The following WDFY4 variants were observed in gnomAD, a reference collection of about 807,000 sequenced individuals.
WDFY4 encodes WD repeat- and FYVE domain-containing protein 4.
A neutral mutation model predicts 351.9 loss-of-function variants in WDFY4; 169 were observed. The ratio of observed to expected loss-of-function variants is 0.48; its 90% CI spans 0.42 to 0.55. The LOEUF (loss-of-function observed/expected upper bound fraction) is 0.55, where lower values mean the gene tolerates loss of function less well. Ranked by LOEUF, WDFY4 falls within the 20% of genes least tolerant of loss-of-function variation. The pLI is 0.00. For synonymous variants in WDFY4, 1,622 were observed against 1,574.6 expected (o/e 1.03, Z -0.71); for missense variants, 3,803 against 3,935.6 (o/e 0.97, Z 0.90).
At chr10:48,774,413 G>A (rs1266415098) in intron 13 of WDFY4, 45 bp from the exon 14 acceptor site, 2 of 1,544,046 alleles carry the variant, frequency 1.3e-6, no homozygotes, top group African/African-American at 1.4e-5. Flanking sequence ...TGTCCACAAG[G>A]TGTTCTGCCC....
chr10:48,910,270 G>C (rs200248208), intron 47 of WDFY4: 111 of 1,613,124 alleles, frequency 6.9e-5, no homozygotes, highest in Non-Finnish European at 8.6e-5. Flanking sequence ...TGGGGATGGA[G>C]ACACAAGAAG....
chr10:48,902,130 T>C (rs1397746656), intron 47 of WDFY4, among the ~76,000 whole-genome samples: 2 of 152,264 alleles, frequency 1.3e-5, no homozygotes, highest in Non-Finnish European at 2.9e-5. Context: ...CTTTGGTGAC[T>C]GGGCAGGTGG....
rs1171125948 is a variant in WDFY4, at chr10:48,733,939, G to A, written c.1591G>A (p.Val531Met). 12 of 1,551,494 alleles carry A rather than the reference G, an allele frequency of 7.7e-6. No individual in the cohort carries two copies. The Admixed American group carries it at 2.4e-4, about 30-fold the overall frequency. ...CTTCTTCAATATGGCAGGAAACAAA[G>A]TGTCCACTCCTGGTGTTCAGGATCC... Reference protein sequence around the residue: ...AKIMRKSGNKVSTPGVQDPER... With the variant: ...AKIMRKSGNKMSTPGVQDPER... Residue 531 changes from valine (V) to methionine (M), a missense_variant, in exon 10 of 62, where the codon GTG (valine) becomes ATG (methionine). By Grantham distance (21) the Val-to-Met change is conservative. Transcript: ENST00000325239.
chr10:48,732,746 A>G (rs1409657241), intron 9 of WDFY4, among the ~76,000 whole-genome samples: 3 of 152,242 alleles, frequency 2.0e-5, no homozygotes, highest in African/African-American at 7.2e-5. Flanking sequence ...GGTACATAAC[A>G]GGGGCTCAAG....
intron 6 of WDFY4, among the ~76,000 whole-genome samples, 156 bp from the exon 7 acceptor site, chr10:48,727,314 G>T (rs2064303182): frequency 6.6e-6 from 1 of 152,200 alleles, no homozygotes. Context: ...TTTCTCTGGG[G>T]TGGTCTTCCT....
chr10:48,885,730 C>CTATA (rs1318839729), intron 43 of WDFY4, among the ~76,000 whole-genome samples: 5 of 151,020 alleles, frequency 3.3e-5, no homozygotes, highest in African/African-American at 1.2e-4. Flanking sequence ...CTCTCTCTCT[C>CTATA]TCTCTATATA....
chr10:48,787,897 CTTCTTCTTCTTCTT>C (rs2066499610), intron 20 of WDFY4, among the ~76,000 whole-genome samples: 15 of 26,092 alleles, frequency 5.7e-4, no homozygotes, highest in Middle Eastern at 0.013. Context: ...TCTTCTCCTT[CTTCTTCTTCTTCTT>C]CTTCTTCTTC....
In WDFY4 at chr10:48,976,973, G is replaced by A; in HGVS notation, c.9285G>A (p.Met3095Ile). The A allele has an allele frequency of 6.9e-7, 1 of 1,454,300 alleles. No homozygotes were observed. The allele number at this position is 1,454,300 out of a possible 1,614,324, so 90.1% of individuals were successfully genotyped here. Residue 3095 changes from methionine to isoleucine, a missense_variant, in exon 59 of 62, where the codon ATG becomes ATA. Met to Ile is a conservative substitution (Grantham distance 10). This residue lies in a region of WDFY4 where 3,054 missense variants were observed against 3,148.6 expected (regional missense o/e 0.97). Coordinates refer to ENST00000325239, the MANE Select transcript of WDFY4 (RefSeq NM_001394531.1). ...TCATCACCGGGAGTCAAGACGGCATGGTCCGGGTAGGTGTGTCTTGGGCAG... is the reference window on the plus strand; with the variant it reads ...TCATCACCGGGAGTCAAGACGGCATAGTCCGGGTAGGTGTGTCTTGGGCAG... ...QIIITGSQDG[M>I]VRVWKTEDVK...
chr10:48,817,577 G>A (rs1017506997), intron 32 of WDFY4, among the ~76,000 whole-genome samples, 168 bp downstream of exon 32: 6 of 152,224 alleles, frequency 3.9e-5, no homozygotes, highest in African/African-American at 1.4e-4. Flanking sequence ...TTTTGGCTGA[G>A]ATACACCTTG....
chr10:48,738,601 C>G (rs1646091406), intron 11 of WDFY4, among the ~76,000 whole-genome samples: 1 of 152,106 alleles, frequency 6.6e-6, no homozygotes, highest in African/African-American at 2.4e-5. Context: ...TCCAGACTCG[C>G]CCACCACTGA....
At position 48,789,969 on chromosome 10, in the gene WDFY4, T is replaced by C; in HGVS notation, c.4050T>C (p.Val1350=). 6.4e-7 allele frequency: 1 copy of C among 1,552,338 alleles called. No homozygotes were observed. The highest frequency in any genetic ancestry group is 8.7e-7 in the Non-Finnish European group (1 of 1,147,132). The stretch of plus-strand genomic sequence containing the variant: ...GGTCTCTGCGGACCATTGGAGCTGT[T>C]GCTGTGGGTCAATTAGGTATGTTCA... The part of the protein sequence containing the change: ...LSGSLRTIGA[V]AVGQLGVRVF... Residue 1350 remains valine (V), a synonymous_variant, in exon 22 of 62, where the codon GTT becomes GTC. Coordinates refer to ENST00000325239, the MANE Select transcript of WDFY4 (RefSeq NM_001394531.1).
intron 1 of WDFY4, among the ~76,000 whole-genome samples, chr10:48,685,910 TG>T (rs34879572): frequency 2.7e-5 from 2 of 74,740 alleles, no homozygotes; most frequent in Non-Finnish European, 5.3e-5. Flanking sequence ...GCAGGTAGGG[TG>T]GGGGTCTTGG....
At position 48,773,530 on chromosome 10, in the gene WDFY4, C is replaced by T. The variant is rs1011251029; in HGVS notation, c.2554-928C>T. ...TAAAAGCAATGTGTGGTATTAGGCT[C>T]AAATATTTACTGAGCCCAGTCTATG... On this transcript the variant is annotated intron_variant, in intron 13 of 61. Coordinates refer to ENST00000325239, the MANE Select transcript of WDFY4 (RefSeq NM_001394531.1). Among the ~76,000 whole-genome samples, 4 of 152,182 alleles carry T rather than the reference C, an allele frequency of 2.6e-5. No homozygotes were observed. The South Asian group carries it at 8.3e-4, about 32-fold the overall frequency.
intron 51 of WDFY4, among the ~76,000 whole-genome samples, chr10:48,953,617 A>G (rs1391005042): frequency 6.6e-6 from 1 of 152,156 alleles, no homozygotes; most frequent in Non-Finnish European, 1.5e-5. Context: ...GGGTACTTTT[A>G]AATTACTGGA....
intron 23 of WDFY4, among the ~76,000 whole-genome samples, chr10:48,791,740 G>A (rs756766712): frequency 1.3e-5 from 2 of 152,242 alleles, no homozygotes; most frequent in African/African-American, 2.4e-5. Context: ...GTCTCAGGCA[G>A]TGGAGGCTTC....
intron 23 of WDFY4, among the ~76,000 whole-genome samples, chr10:48,791,241 G>C (rs1345173481): frequency 6.6e-6 from 1 of 152,260 alleles, no homozygotes; most frequent in East Asian, 1.9e-4. Context: ...CTGCAGAGCA[G>C]ACTGCCAGAG....
chr10:48,854,515 G>C (rs2069069893), intron 39 of WDFY4, among the ~76,000 whole-genome samples: 1 of 151,932 alleles, frequency 6.6e-6, no homozygotes, highest in African/African-American at 2.4e-5. Flanking sequence ...TCATTCTACT[G>C]TCTCATCCTA....
At chr10:48,907,507 C>A (rs967261561) in intron 47 of WDFY4, among the ~76,000 whole-genome samples, 3 of 152,150 alleles carry the variant, frequency 2.0e-5, no homozygotes, top group African/African-American at 7.2e-5. Flanking sequence ...TACAGTTGAA[C>A]ATTTTCAGTT....
At position 48,877,162 on chromosome 10, in the gene WDFY4, G is replaced by A; in HGVS notation, c.7130G>A (p.Arg2377Lys). ...GACTTCTTGGAACTGTGTCGGGAAA[G>A]ACAAGTTATTTTACAAGAGCTTCTT... ...SEDFLELCRE[R>K]QVILQELLDK... The change falls in exon 43 of 62, where the codon AGA becomes AAA. Residue 2377 changes from arginine to lysine, a missense_variant. By Grantham distance (26) the Arg-to-Lys change is conservative (BLOSUM62 2). This residue lies in a region of WDFY4 where 3,054 missense variants were observed against 3,148.6 expected (regional missense o/e 0.97). Coordinates refer to ENST00000325239, the MANE Select transcript of WDFY4 (RefSeq NM_001394531.1). 1 of 1,551,650 alleles carries A rather than the reference G, an allele frequency of 6.4e-7. No homozygotes were observed.
Sources: gnomAD v4.1 joint callset for allele counts (sites outside exome capture counted in the v4.1 genomes callset) on GRCh38, gnomAD v4.1.1 for gene constraint, gnomAD v4.1.1 regional missense constraint, MANE v1.5 for transcripts, NCBI Gene and HGNC (gene_info 2026-07-23, HGNC 2026-07-21) for gene names.